SARM1: variants seen among roughly 807,000 people sequenced by gnomAD.
SARM1 encodes NAD(+) hydrolase SARM1.
Under a neutral mutation model 65.1 loss-of-function variants are expected in SARM1, and 60 were observed. The observed-to-expected ratio is 0.92, with a 90% CI of 0.75 to 1.14. SARM1 has a LOEUF of 1.14. Ranked by LOEUF, SARM1 falls within the 50% of genes most tolerant of loss-of-function variation. The pLI is 0.00. For synonymous variants in SARM1, 417 were observed against 465.4 expected (o/e 0.90, Z 1.34); for missense variants, 913 against 1,015.7 (o/e 0.90, Z 1.37).
chr17:28,393,502 G>C (rs1213332635), intron 7 of SARM1, among the ~76,000 whole-genome samples: 3 of 151,812 alleles, frequency 2.0e-5, no homozygotes, highest in African/African-American at 7.3e-5. Flanking sequence ...AGTGAGCCTT[G>C]ATGGTGCCAC....
intron 1 of SARM1, among the ~76,000 whole-genome samples, chr17:28,377,334 A>G (rs1264225498): frequency 2.0e-5 from 3 of 149,134 alleles, no homozygotes; most frequent in African/African-American, 7.5e-5. Context: ...TCATGCCTGT[A>G]TTCCCAGCGC....
At chr17:28,380,532 A>G (rs1490128744) in intron 1 of SARM1, among the ~76,000 whole-genome samples, 1 of 152,218 alleles carries the variant, frequency 6.6e-6, no homozygotes. Context: ...CCCTGAGGAT[A>G]AGCTCTGGCC....
rs2067955252 is a variant in SARM1, at chr17:28,371,781, C to T, written c.-252C>T. The stretch of plus-strand genomic sequence containing the variant: ...CCCTACGGCGTCCGGAGCCATCCCT[C>T]GCCTGCTCGCTCTCTCCTTTCGCCC... On this transcript the variant is annotated 5_prime_UTR_variant, in exon 1 of 9. Transcript: ENST00000585482. 2 of 390,602 alleles carry T rather than the reference C, an allele frequency of 5.1e-6. No individual in the cohort carries two copies. The highest frequency in any genetic ancestry group is 9.1e-6 in the Non-Finnish European group (2 of 218,900). The allele number at this position is 390,602 out of a possible 1,614,324, so 24.2% of individuals were successfully genotyped here. A position where few individuals can be genotyped will look rare whatever the true frequency, so the allele number is the denominator to read the frequency against.
Position 28,381,566 on chromosome 17 carries a change from G to T in SARM1, c.834G>T (p.Ala278=). The change falls in exon 2 of 9, where the codon GCG becomes GCT. Residue 278 remains alanine, a synonymous_variant. Transcript: ENST00000585482. Reference sequence around the variant, plus strand: ...CCTGCCTCGCAGTAGCGGTGTTGGCGACTAACAAGGAGGTGGAGCGCGAGG... The same window carrying T: ...CCTGCCTCGCAGTAGCGGTGTTGGCTACTAACAAGGAGGTGGAGCGCGAGG... ...LHACLAVAVL[A]TNKEVEREVE... The T allele has an allele frequency of 1.3e-6, 2 of 1,592,448 alleles. No individual in the cohort carries two copies. The highest frequency in any genetic ancestry group is 1.7e-6 in the Non-Finnish European group (2 of 1,170,758).
rs567434731 is a variant in SARM1, at chr17:28,385,726, G to A, written c.1630+451G>A. 2.6e-5 allele frequency among the ~76,000 whole-genome samples: 4 copies of A among 152,150 alleles called. No individual in the cohort carries two copies. Among genetic ancestry groups the A allele is most frequent in the East Asian group, 1.9e-4 (1 of 5,184 alleles). ...TGGGGTGTAGGCGGGAAGGGTGTGC[G>A]TATGTGTGTTATCCTATTGGCCAAC... On this transcript the variant is annotated intron_variant, in intron 5 of 8. Coordinates refer to ENST00000585482, the MANE Select transcript of SARM1 (RefSeq NM_015077.4). The surrounding 1 kb of genome is among the most constrained non-coding windows in gnomAD (Gnocchi z 4.5).
intron 5 of SARM1, 80 bp from the exon 6 acceptor site, chr17:28,388,094 A>G: frequency 9.0e-7 from 1 of 1,116,692 alleles, no homozygotes; most frequent in East Asian, 2.6e-5. Context: ...ACTGGGGACT[A>G]AGTCCACAAG....
At position 28,371,951 on chromosome 17, in the gene SARM1, C is replaced by G; in HGVS notation, c.-82C>G. The G allele has an allele frequency of 3.8e-6, 4 of 1,065,180 alleles. No homozygotes were observed. The highest frequency in any genetic ancestry group is 5.1e-6 in the Non-Finnish European group (4 of 788,010). The allele number at this position is 1,065,180 out of a possible 1,614,324, so 66.0% of individuals were successfully genotyped here. On this transcript the variant is annotated 5_prime_UTR_variant, in exon 1 of 9. Coordinates refer to ENST00000585482, the MANE Select transcript of SARM1 (RefSeq NM_015077.4). ...TCCATCTTCTTTCCCCGACCCCTCT[C>G]GGGTCCCTCTTTTCCCAAAACCCGG...
Position 28,384,660 on chromosome 17 carries a change from C to A in SARM1, c.1302+91C>A. On this transcript the variant is annotated intron_variant, in intron 3 of 8. Coordinates refer to ENST00000585482, the MANE Select transcript of SARM1 (RefSeq NM_015077.4). The surrounding 1 kb of genome is among the most constrained non-coding windows in gnomAD (Gnocchi z 4.4). ...CCCTCCCCGCCTCGCAATCCCGCGG[C>A]GCCAGGGTCGCTTTTGGGGGCGGGG... The A allele has an allele frequency of 7.3e-7, 1 of 1,373,118 alleles. No homozygotes were observed. Among genetic ancestry groups the A allele is most frequent in the Non-Finnish European group, 9.9e-7 (1 of 1,010,334 alleles). The allele number at this position is 1,373,118 out of a possible 1,614,324, so 85.1% of individuals were successfully genotyped here.
chr17:28,401,126 G>C lies in SARM1; in HGVS notation c.*4840G>C, dbSNP rs1314128033. 2.9e-6 allele frequency: 1 copy of C among 342,674 alleles called. No individual in the cohort carries two copies. Among genetic ancestry groups the C allele is most frequent in the South Asian group, 2.5e-5 (1 of 40,128 alleles). The allele number at this position is 342,674 out of a possible 1,614,324, so 21.2% of individuals were successfully genotyped here. A position where few individuals can be genotyped will look rare whatever the true frequency, so the allele number is the denominator to read the frequency against. ...TCCTCTTTGGAATCATCTCCTGTTT[G>C]GGATTAACTGCTGGTCTGATCAGTT... On this transcript the variant is annotated 3_prime_UTR_variant, in exon 9 of 9. Coordinates refer to ENST00000585482, the MANE Select transcript of SARM1 (RefSeq NM_015077.4).
Position 28,381,542 on chromosome 17 carries a change from C to G in SARM1, c.810C>G (p.Ala270=). Residue 270 remains alanine, a synonymous_variant, in exon 2 of 9, where the codon GCC becomes GCG. Transcript: ENST00000585482. ...SKEDELLRLH[A]CLAVAVLATN... is the part of the protein sequence containing the mutation. ...AGGACGAGCTGCTTCGGCTGCACGC[C>G]TGCCTCGCAGTAGCGGTGTTGGCGA... The G allele has an allele frequency of 1.3e-6, 2 of 1,583,372 alleles. No homozygotes were observed. The highest frequency in any genetic ancestry group is 1.7e-6 in the Non-Finnish European group (2 of 1,166,102).
intron 2 of SARM1, among the ~76,000 whole-genome samples, chr17:28,382,109 G>A (rs1432007146): frequency 6.6e-6 from 1 of 152,058 alleles, no homozygotes; most frequent in Non-Finnish European, 1.5e-5. Context: ...GGGTGAGGAC[G>A]GAGGCAAGGC....
rs41297101 is a variant in SARM1 at position 28,402,137 on chromosome 17, G to T, written c.*5851G>T. 5 of 979,732 alleles carry T rather than the reference G, an allele frequency of 5.1e-6. No homozygotes were observed. Among genetic ancestry groups the T allele is most frequent in the Non-Finnish European group, 7.5e-6 (5 of 664,550 alleles). 60.7% of individuals were successfully genotyped at this position (979,732 alleles called of 1,614,324 possible). ...GGCCACTTACTTCTCCAGGGTGAGA[G>T]GGGGGAAGGCAAGCTGTTCCCCCAG... On this transcript the variant is annotated 3_prime_UTR_variant, in exon 9 of 9. Transcript: ENST00000585482.
chr17:28,396,072 C>A, intron 8 of SARM1, 46 bp downstream of exon 8: 1 of 1,613,500 alleles, frequency 6.2e-7, no homozygotes, highest in Non-Finnish European at 8.5e-7. Context: ...TACAAATCAC[C>A]ATGACAGGCA....
In SARM1 at chr17:28,384,589, G is replaced by A. The variant is rs1555585673; in HGVS notation, c.1302+20G>A. The A allele has an allele frequency of 4.5e-6, 7 of 1,567,066 alleles. No homozygotes were observed. The highest frequency in any genetic ancestry group is 6.1e-6 in the Non-Finnish European group (7 of 1,155,194). On this transcript the variant is annotated intron_variant, in intron 3 of 8. Coordinates refer to ENST00000585482, the MANE Select transcript of SARM1 (RefSeq NM_015077.4). This position sits in a 1 kb window ranked among gnomAD's most constrained non-coding sequence, Gnocchi z 4.4. Reference sequence around the variant, plus strand: ...TTCCGGGTAGAGTCGCGTGGGATACGCCTCCCCCGAGTCAGAGCGGGCGCC... The same window carrying A: ...TTCCGGGTAGAGTCGCGTGGGATACACCTCCCCCGAGTCAGAGCGGGCGCC...
intron 7 of SARM1, among the ~76,000 whole-genome samples, chr17:28,391,597 A>C (rs1189635938): frequency 1.3e-5 from 2 of 151,868 alleles, no homozygotes; most frequent in Admixed American, 1.3e-4. Context: ...TTTTGAGAGA[A>C]AGAAAAGAGT....
At position 28,402,395 on chromosome 17, in the gene SARM1, C is replaced by T; in HGVS notation, c.*6109C>T. 7.8e-7 allele frequency: 1 copy of T among 1,283,504 alleles called. No homozygotes were observed. Among genetic ancestry groups the T allele is most frequent in the Admixed American group, 1.9e-5 (1 of 52,136 alleles). The allele number at this position is 1,283,504 out of a possible 1,614,324, so 79.5% of individuals were successfully genotyped here. On this transcript the variant is annotated 3_prime_UTR_variant, in exon 9 of 9. Transcript: ENST00000585482. The stretch of plus-strand genomic sequence containing the variant: ...CGTCCAAGGGAAAGGCAGCAGAGCT[C>T]CTATCCATACCCCACGTGGGGCTTA...
chr17:28,400,368 C>T lies in SARM1; in HGVS notation c.*4082C>T, dbSNP rs1313714223. On this transcript the variant is annotated 3_prime_UTR_variant, in exon 9 of 9. Coordinates refer to ENST00000585482, the MANE Select transcript of SARM1 (RefSeq NM_015077.4). The stretch of plus-strand genomic sequence containing the variant: ...GAAATAGGGGAACTGGGAGAGAGAA[C>T]ACAGCCTTGCCAAGCAGCAATGTTA... 1 of 517,446 alleles carries T rather than the reference C, an allele frequency of 1.9e-6. No homozygotes were observed. Among genetic ancestry groups the T allele is most frequent in the African/African-American group, 1.9e-5 (1 of 52,092 alleles). 32.1% of individuals were successfully genotyped at this position (517,446 alleles called of 1,614,324 possible).
In SARM1 at chr17:28,388,426, G is replaced by C. The variant is rs782398426; in HGVS notation, c.1810G>C (p.Glu604Gln). ...DVEKLEAGKF[E>Q]DKLIQSVMGA... ...GGAGAAGCTGGAAGCAGGCAAGTTC[G>C]AGGACAAACTCATCCAGAGTGTCAT... is the stretch of plus-strand genomic sequence containing the variant. The change falls in exon 7 of 9, where the codon GAG (glutamate) becomes CAG (glutamine). Residue 604 changes from glutamate (E) to glutamine (Q), a missense_variant. Glu to Gln is a conservative substitution (Grantham distance 29, BLOSUM62 2). Around this residue, in one of 3 missense-constraint regions of SARM1, gnomAD observed 862 missense variants for 952.1 expected, o/e 0.91. Coordinates refer to ENST00000585482, the MANE Select transcript of SARM1 (RefSeq NM_015077.4). The C allele has an allele frequency of 6.2e-7, 1 of 1,613,964 alleles. No individual in the cohort carries two copies. The highest frequency in any genetic ancestry group is 2.2e-5 in the East Asian group (1 of 44,878).
rs781938186 is a variant in SARM1, at chr17:28,384,899, C to A, written c.1363C>A (p.Leu455Met). Reference protein sequence around the residue: ...RLTEEELQTDLGMKSGITRKR... With the variant: ...RLTEEELQTDMGMKSGITRKR... The stretch of plus-strand genomic sequence containing the variant: ...CACGGAGGAGGAACTCCAGACCGAC[C>A]TGGGCATGAAATCGGGCATCACCCG... Residue 455 changes from leucine (L) to methionine (M), a missense_variant, in exon 4 of 9, where the codon CTG becomes ATG. Physicochemically the swap from Leu to Met is conservative, Grantham distance 15. Coordinates refer to ENST00000585482, the MANE Select transcript of SARM1 (RefSeq NM_015077.4). This position sits in a 1 kb window ranked among gnomAD's most constrained non-coding sequence, Gnocchi z 4.4. The A allele has an allele frequency of 1.3e-6, 2 of 1,564,156 alleles. No individual in the cohort carries two copies. Among genetic ancestry groups the A allele is most frequent in the Admixed American group, 1.9e-5 (1 of 52,688 alleles).
Sources: allele counts gnomAD v4.1 joint callset (sites outside exome capture counted in the v4.1 genomes callset), GRCh38; gene constraint gnomAD v4.1.1; regional missense constraint gnomAD v4.1.1; non-coding constraint Gnocchi (gnomAD v3.1); transcripts MANE v1.5; gene names NCBI Gene and HGNC (gene_info 2026-07-23, HGNC 2026-07-21).